ARL15: variants seen among roughly 807,000 people sequenced by gnomAD.
ARL15 encodes ADP-ribosylation factor-like protein 15.
ARL15 carries 19 observed loss-of-function variants against 25.2 expected under a neutral mutation model. The ratio of observed to expected loss-of-function variants is 0.75; its 90% CI spans 0.53 to 1.10. The LOEUF is 1.10. Among genes scored for constraint, ARL15 ranks in the 50% least tolerant of loss-of-function variants. ARL15 has a pLI of 0.00. For missense variants in ARL15, 220 were observed against 246.0 expected, an observed-to-expected ratio of 0.89 and a Z score of 0.71; for synonymous variants, 94 against 86.8, an observed-to-expected ratio of 1.08 and a Z score of -0.46.
At chr5:54,248,227 T>C (rs1411556698) in intron 1 of ARL15, among the ~76,000 whole-genome samples, 1 of 151,968 alleles carries the variant, frequency 6.6e-6, no homozygotes, top group Admixed American at 6.6e-5. Flanking sequence ...TTTTGAGAGG[T>C]CATGAGGGTT....
rs549306110 is a variant in ARL15, at chr5:53,940,331, C to G, written c.463-53618G>C. On this transcript the variant is annotated intron_variant, in intron 4 of 4. Coordinates refer to ENST00000504924, the MANE Select transcript of ARL15 (RefSeq NM_019087.3). ...TATGATACTGCTTAATTCCCATAGG[C>G]ATGTAGCAAATTTGTATTTTCTTCA... 9.2e-5 allele frequency among the ~76,000 whole-genome samples: 14 copies of G among 152,160 alleles called. 1 individual carries two copies. In the South Asian group the frequency reaches 2.7e-3, roughly 29 times the overall value.
intron 1 of ARL15, among the ~76,000 whole-genome samples, chr5:54,261,899 T>C (rs1318069152): frequency 6.6e-6 from 1 of 152,164 alleles, no homozygotes; most frequent in African/African-American, 2.4e-5. Context: ...CATTAATGTG[T>C]TCCAGAGGAT....
intron 4 of ARL15, among the ~76,000 whole-genome samples, chr5:53,989,541 A>G (rs1365316212): frequency 1.3e-5 from 2 of 151,814 alleles, no homozygotes; most frequent in African/African-American, 4.8e-5. Context: ...ATGAAGTGTG[A>G]TATCTTCATT....
At chr5:54,095,980 A>G (rs1211452410) in intron 4 of ARL15, among the ~76,000 whole-genome samples, 3 of 152,230 alleles carry the variant, frequency 2.0e-5, no homozygotes, top group Admixed American at 6.5e-5. Context: ...CATATCACAC[A>G]AAGTCCAAAG....
intron 4 of ARL15, among the ~76,000 whole-genome samples, chr5:54,064,229 T>C (rs3776695): frequency 0.18 from 27,539 of 152,066 alleles, 3,276 homozygotes; most frequent in African/African-American, 0.34. Flanking sequence ...ACGAGTATTC[T>C]AATGTGATAC....
intron 1 of ARL15, among the ~76,000 whole-genome samples, chr5:54,196,843 A>G (rs1755563782): frequency 6.6e-6 from 1 of 152,218 alleles, no homozygotes; most frequent in South Asian, 2.1e-4. Flanking sequence ...ACATACAGTT[A>G]TGCCAGAATT....
At chr5:54,278,245 C>T (rs2112661425) in intron 1 of ARL15, among the ~76,000 whole-genome samples, 1 of 152,278 alleles carries the variant, frequency 6.6e-6, no homozygotes, top group Non-Finnish European at 1.5e-5. Context: ...AAAGCAATGC[C>T]CTTGTGTGCC....
At chr5:53,887,260 G>A in intron 4 of ARL15, 2 of 626,510 alleles carry the variant, frequency 3.2e-6, no homozygotes, top group Non-Finnish European at 5.7e-6. Context: ...ATGAGAGCGT[G>A]TTTTCTAGGA....
At chr5:54,273,911 T>C (rs1757854814) in intron 1 of ARL15, among the ~76,000 whole-genome samples, 1 of 152,030 alleles carries the variant, frequency 6.6e-6, no homozygotes, top group Non-Finnish European at 1.5e-5. Flanking sequence ...TACAGAAAAA[T>C]GACCAGGCAA....
chr5:54,301,203 G>A (rs750993180), intron 1 of ARL15, among the ~76,000 whole-genome samples: 7 of 152,068 alleles, frequency 4.6e-5, no homozygotes, highest in South Asian at 2.1e-4. Flanking sequence ...ATTTTTCATC[G>A]TACAGGAGCA....
chr5:54,196,088 C>T (rs998938264), intron 1 of ARL15, among the ~76,000 whole-genome samples: 5 of 151,938 alleles, frequency 3.3e-5, no homozygotes, highest in African/African-American at 1.2e-4. Context: ...TATGGCTACC[C>T]CAAAATTTAT....
At chr5:54,164,027 A>C (rs574248736) in intron 2 of ARL15, among the ~76,000 whole-genome samples, 26 of 152,046 alleles carry the variant, frequency 1.7e-4, no homozygotes, top group African/African-American at 6.3e-4. Flanking sequence ...AGTGGTATAA[A>C]CTTTTCTTAA....
intron 2 of ARL15, among the ~76,000 whole-genome samples, chr5:54,169,551 G>A (rs1029100848): frequency 3.3e-5 from 5 of 152,066 alleles, no homozygotes; most frequent in African/African-American, 4.8e-5. Flanking sequence ...GTCATATAAG[G>A]GCTGTTATAA....
chr5:54,054,397 A>G lies in ARL15; in HGVS notation c.462+58805T>C, dbSNP rs368503806. Reference sequence around the variant, plus strand: ...AAAGAAAAATCTGGAAACAAAGCAAATGTCCCAAATAAATAAACAGTGGTA... The same window carrying G: ...AAAGAAAAATCTGGAAACAAAGCAAGTGTCCCAAATAAATAAACAGTGGTA... On this transcript the variant is annotated intron_variant, in intron 4 of 4. Coordinates refer to ENST00000504924, the MANE Select transcript of ARL15 (RefSeq NM_019087.3). 1.8e-4 allele frequency among the ~76,000 whole-genome samples: 27 copies of G among 152,128 alleles called. No individual in the cohort carries two copies. In the South Asian group the frequency reaches 5.4e-3, roughly 30 times the overall value.
At chr5:54,147,205 G>A (rs890945631) in intron 3 of ARL15, among the ~76,000 whole-genome samples, 2 of 152,036 alleles carry the variant, frequency 1.3e-5, no homozygotes, top group African/African-American at 4.8e-5. Flanking sequence ...AAAAAGGCCT[G>A]GTTCTTTTCC....
At chr5:54,222,768 G>A (rs1400333405) in intron 1 of ARL15, among the ~76,000 whole-genome samples, 1 of 152,064 alleles carries the variant, frequency 6.6e-6, no homozygotes, top group East Asian at 1.9e-4. Context: ...AGTGAAAAAT[G>A]GGAAAACTCT....
chr5:53,889,711 C>T (rs1744651863), intron 4 of ARL15, among the ~76,000 whole-genome samples: 1 of 151,884 alleles, frequency 6.6e-6, no homozygotes, highest in Non-Finnish European at 1.5e-5. Flanking sequence ...GCTGCTGGAA[C>T]ATTTATTAGC....
At chr5:54,218,912 C>T (rs1450383557) in intron 1 of ARL15, among the ~76,000 whole-genome samples, 1 of 151,546 alleles carries the variant, frequency 6.6e-6, no homozygotes, top group Admixed American at 6.6e-5. Flanking sequence ...TGCTGCATCC[C>T]ATTAATAATG....
intron 1 of ARL15, among the ~76,000 whole-genome samples, chr5:54,249,623 G>C (rs1757187362): frequency 6.8e-6 from 1 of 146,240 alleles, no homozygotes; most frequent in Admixed American, 6.8e-5. Flanking sequence ...AGGAGTTCAT[G>C]AGGTCATATC....
Sources: allele counts gnomAD v4.1 joint callset (sites outside exome capture counted in the v4.1 genomes callset), GRCh38; gene constraint gnomAD v4.1.1; transcripts MANE v1.5; gene names NCBI Gene and HGNC (gene_info 2026-07-23, HGNC 2026-07-21).